The following STON2 variants were observed in gnomAD, a reference collection of about 807,000 sequenced individuals.
STON2 encodes stonin 2.
A neutral mutation model predicts 65.7 loss-of-function variants in STON2; 29 were observed. The ratio of observed to expected loss-of-function variants is 0.44; its 90% CI spans 0.33 to 0.60. STON2 has a LOEUF of 0.60. Ranked by LOEUF, STON2 falls within the 20% of genes least tolerant of loss-of-function variation. The pLI is 0.03. For missense variants in STON2, 1,054 were observed against 1,118.1 expected (o/e 0.94, Z 0.82); for synonymous variants, 404 against 414.2 (o/e 0.98, Z 0.30).
chr14:81,314,772 C>A (rs538447051), intron 5 of STON2, among the ~76,000 whole-genome samples: 1 of 152,356 alleles, frequency 6.6e-6, no homozygotes, highest in African/African-American at 2.4e-5. Context: ...ACCATTTAAG[C>A]AACTTTCCTC....
chr14:81,382,909 C>T (rs1474971739), intron 3 of STON2, among the ~76,000 whole-genome samples: 1 of 152,140 alleles, frequency 6.6e-6, no homozygotes, highest in Non-Finnish European at 1.5e-5. Flanking sequence ...TTCTCATTCG[C>T]TCTAATACAC....
intron 5 of STON2, among the ~76,000 whole-genome samples, chr14:81,316,207 C>T (rs1896612307): frequency 6.6e-6 from 1 of 152,138 alleles, no homozygotes; most frequent in Non-Finnish European, 1.5e-5. Flanking sequence ...ACAGAAATGG[C>T]AGGTGAGGGC....
intron 2 of STON2, among the ~76,000 whole-genome samples, chr14:81,408,686 A>G (rs950883026): frequency 2.0e-5 from 3 of 152,226 alleles, no homozygotes; most frequent in African/African-American, 4.8e-5. Flanking sequence ...AACAATCCCT[A>G]TGGCTCTGCT....
chr14:81,338,621 C>G (rs1897469315), intron 4 of STON2, among the ~76,000 whole-genome samples: 1 of 152,200 alleles, frequency 6.6e-6, no homozygotes, highest in Non-Finnish European at 1.5e-5. Context: ...CAACCTACTA[C>G]AAGCAACTGG....
intron 3 of STON2, among the ~76,000 whole-genome samples, chr14:81,384,668 T>TTG (rs1297354745): frequency 1.3e-5 from 2 of 152,240 alleles, no homozygotes; most frequent in African/African-American, 4.8e-5. Context: ...GACTTGAACG[T>TTG]GAGCATAAAG....
At chr14:81,326,788 C>G (rs1336453722) in intron 4 of STON2, among the ~76,000 whole-genome samples, 1 of 152,186 alleles carries the variant, frequency 6.6e-6, no homozygotes, top group Non-Finnish European at 1.5e-5. Context: ...AAACCAGAGG[C>G]TTTCAACATC....
At chr14:81,391,036 C>G (rs778627382) in intron 3 of STON2, among the ~76,000 whole-genome samples, 1 of 152,208 alleles carries the variant, frequency 6.6e-6, no homozygotes, top group Non-Finnish European at 1.5e-5. Flanking sequence ...CTGCCACTTT[C>G]ATAAGGATGC....
intron 6 of STON2, among the ~76,000 whole-genome samples, chr14:81,276,518 A>G (rs1894824944): frequency 6.6e-6 from 1 of 152,178 alleles, no homozygotes; most frequent in Admixed American, 6.5e-5. Flanking sequence ...ACCTACATCG[A>G]GGGCAGTGTG....
intron 3 of STON2, among the ~76,000 whole-genome samples, chr14:81,386,967 C>G (rs372628551): frequency 8.3e-4 from 127 of 152,130 alleles, no homozygotes; most frequent in Admixed American, 1.2e-3. Context: ...TATATTCTTC[C>G]CGGTACCTGG....
intron 3 of STON2, 112 bp from the exon 4 acceptor site, chr14:81,371,297 A>G: frequency 1.0e-6 from 1 of 1,004,494 alleles, no homozygotes; most frequent in Non-Finnish European, 1.5e-6. Flanking sequence ...CTCAACAGTC[A>G]TATGAGGCAA....
chr14:81,332,950 T>C, intron 4 of STON2: 1 of 439,708 alleles, frequency 2.3e-6, no homozygotes, highest in Non-Finnish European at 4.2e-6. Context: ...CACAGCTCAC[T>C]GCTAGACACC....
At chr14:81,415,439 C>G (rs890761166) in intron 2 of STON2, among the ~76,000 whole-genome samples, 10 of 151,914 alleles carry the variant, frequency 6.6e-5, no homozygotes, top group African/African-American at 2.4e-4. Context: ...ATTCAATCAA[C>G]CAAGACAAAT....
At position 81,398,280 on chromosome 14, in the gene STON2, G is replaced by C; in HGVS notation, c.88+15C>G. ...TGACAATCTCTTCACTTTAGGAAACGAAGGCACTCCTTACCCTGCGAGTGG... is the reference window on the plus strand; with the variant it reads ...TGACAATCTCTTCACTTTAGGAAACCAAGGCACTCCTTACCCTGCGAGTGG... On this transcript the variant is annotated intron_variant, in intron 2 of 7. Coordinates refer to ENST00000614646, the MANE Select transcript of STON2 (RefSeq NM_001394390.1). 2 of 1,592,972 alleles carry C rather than the reference G, an allele frequency of 1.3e-6. No individual in the cohort carries two copies.
At chr14:81,360,351 C>T (rs1898435876) in intron 4 of STON2, among the ~76,000 whole-genome samples, 1 of 151,802 alleles carries the variant, frequency 6.6e-6, no homozygotes, top group South Asian at 2.1e-4. Context: ...GGCATTTATC[C>T]CTGGGATGCA....
chr14:81,303,059 G>GGT (rs56117739), intron 5 of STON2, among the ~76,000 whole-genome samples: 12,409 of 96,986 alleles, frequency 0.13, 630 homozygotes, highest in African/African-American at 0.16. Context: ...ATGTGTGGGG[G>GGT]GTGTGTGTGT....
At chr14:81,398,233 A>G in intron 2 of STON2, 62 bp downstream of exon 2, 2 of 1,218,386 alleles carry the variant, frequency 1.6e-6, no homozygotes, top group Non-Finnish European at 2.4e-6. Flanking sequence ...AGTAGAAGCC[A>G]TAACAAATAG....
chr14:81,345,472 C>G (rs1196364340), intron 4 of STON2, among the ~76,000 whole-genome samples: 1 of 152,144 alleles, frequency 6.6e-6, no homozygotes, highest in African/African-American at 2.4e-5. Context: ...TCTTGGACTT[C>G]CGGACACAGA....
At chr14:81,354,693 C>G (rs1425447179) in intron 4 of STON2, among the ~76,000 whole-genome samples, 1 of 151,788 alleles carries the variant, frequency 6.6e-6, no homozygotes, top group African/African-American at 2.4e-5. Flanking sequence ...AATAGAAATC[C>G]TAGAGATAAA....
At chr14:81,424,437 C>T (rs887550790) in intron 2 of STON2, among the ~76,000 whole-genome samples, 49 of 150,900 alleles carry the variant, frequency 3.2e-4, no homozygotes, top group African/African-American at 1.2e-3. Context: ...AAGCAAGACA[C>T]CATATCAAAA....
Sources: allele counts gnomAD v4.1 joint callset (sites outside exome capture counted in the v4.1 genomes callset), GRCh38; gene constraint gnomAD v4.1.1; transcripts MANE v1.5; gene names NCBI Gene and HGNC (gene_info 2026-07-23, HGNC 2026-07-21).